The following TAFA2 variants were observed in gnomAD, a reference collection of about 807,000 sequenced individuals.
TAFA2 encodes the protein chemokine-like protein TAFA-2.
In TAFA2, 7 loss-of-function variants were observed where a neutral mutation model predicts 18.8. The observed-to-expected ratio is 0.37, with a 90% CI of 0.21 to 0.70. The LOEUF is 0.70. TAFA2 is among the 30% of genes least tolerant of loss of function. The probability of loss-of-function intolerance (pLI) is 0.53; values close to 1 mark genes in which losing one functional copy is unlikely to be tolerated. For missense variants in TAFA2, 122 were observed against 158.1 expected, an observed-to-expected ratio of 0.77 and a Z score of 1.23; for synonymous variants, 60 against 54.2, an observed-to-expected ratio of 1.11 and a Z score of -0.47.
At chr12:61,841,272 G>A (rs1873162531) in intron 2 of TAFA2, among the ~76,000 whole-genome samples, 1 of 152,040 alleles carries the variant, frequency 6.6e-6, no homozygotes, top group African/African-American at 2.4e-5. Context: ...CAGTGAAAAT[G>A]GGACTTCTAC....
chr12:61,760,871 C>CA (rs375369002), intron 2 of TAFA2, among the ~76,000 whole-genome samples: 4,763 of 120,880 alleles, frequency 0.039, 229 homozygotes, highest in African/African-American at 0.12. Flanking sequence ...CCCAAGTCAC[C>CA]AAAAAAAAAA....
intron 1 of TAFA2, among the ~76,000 whole-genome samples, chr12:61,989,993 G>A (rs1336815222): frequency 6.6e-6 from 1 of 152,042 alleles, no homozygotes; most frequent in African/African-American, 2.4e-5. Context: ...GACATTAATT[G>A]AATATTGACC....
intron 2 of TAFA2, among the ~76,000 whole-genome samples, chr12:61,755,553 A>AT (rs1346903769): frequency 6.6e-6 from 1 of 152,072 alleles, no homozygotes; most frequent in African/African-American, 2.4e-5. Context: ...AAATGAACAA[A>AT]TCCAGTGATT....
chr12:62,199,232 G>A (rs1375362301), intron 1 of TAFA2, among the ~76,000 whole-genome samples: 6 of 152,134 alleles, frequency 3.9e-5, no homozygotes, highest in Non-Finnish European at 7.4e-5. Flanking sequence ...CTGGATACAT[G>A]TGCAAGACGT....
chr12:62,135,215 C>T (rs566452951), intron 1 of TAFA2, among the ~76,000 whole-genome samples: 2 of 152,116 alleles, frequency 1.3e-5, no homozygotes, highest in African/African-American at 4.8e-5. Context: ...TTTGATAAGA[C>T]TGGTACCTAA....
chr12:62,125,672 TA>T (rs562391249), intron 1 of TAFA2, among the ~76,000 whole-genome samples: 35 of 148,310 alleles, frequency 2.4e-4, no homozygotes, highest in Non-Finnish European at 5.0e-4. Flanking sequence ...CTCCCGCAGA[TA>T]TTTTTTTTCT....
At chr12:62,211,515 G>A (rs989374462) in intron 1 of TAFA2, among the ~76,000 whole-genome samples, 6 of 151,316 alleles carry the variant, frequency 4.0e-5, no homozygotes, top group African/African-American at 1.2e-4. Flanking sequence ...GGGAGGCGGA[G>A]GTTGCAGTGA....
At chr12:62,130,379 TTAAAG>T (rs1158322346) in intron 1 of TAFA2, among the ~76,000 whole-genome samples, 4 of 151,920 alleles carry the variant, frequency 2.6e-5, no homozygotes, top group African/African-American at 7.2e-5. Context: ...TTGTTCAAAA[TTAAAG>T]TAATGAAATT....
chr12:62,058,553 G>A (rs1284566174), intron 1 of TAFA2, among the ~76,000 whole-genome samples: 1 of 152,198 alleles, frequency 6.6e-6, no homozygotes, highest in Non-Finnish European at 1.5e-5. Flanking sequence ...CAGTAAATAA[G>A]TACAGCTATA....
intron 2 of TAFA2, among the ~76,000 whole-genome samples, chr12:61,853,314 C>T (rs1297017918): frequency 6.6e-6 from 1 of 151,608 alleles, no homozygotes; most frequent in South Asian, 2.1e-4. Context: ...TAGGGATGAG[C>T]TACAATAGAG....
At chr12:61,928,180 A>G (rs1877389868) in intron 1 of TAFA2, among the ~76,000 whole-genome samples, 1 of 152,218 alleles carries the variant, frequency 6.6e-6, no homozygotes, top group Admixed American at 6.5e-5. Flanking sequence ...TAAACTAAAG[A>G]GCTTCTGCAC....
intron 1 of TAFA2, among the ~76,000 whole-genome samples, chr12:62,222,515 A>G (rs897665346): frequency 6.6e-5 from 10 of 151,660 alleles, no homozygotes; most frequent in African/African-American, 2.4e-4. Flanking sequence ...TATTATTATT[A>G]TTATTATTTT....
chr12:61,811,381 T>C (rs1279311762), intron 2 of TAFA2, among the ~76,000 whole-genome samples: 1 of 151,404 alleles, frequency 6.6e-6, no homozygotes, highest in Non-Finnish European at 1.5e-5. Flanking sequence ...GGAAGATTAT[T>C]GTGTGATTAG....
chr12:62,163,273 A>G (rs570709597), intron 1 of TAFA2, among the ~76,000 whole-genome samples: 8 of 152,302 alleles, frequency 5.3e-5, no homozygotes, highest in African/African-American at 1.9e-4. Context: ...TGCAAAAATG[A>G]GCCTCAGTTC....
At chr12:62,144,226 T>G (rs558039175) in intron 1 of TAFA2, among the ~76,000 whole-genome samples, 5 of 152,230 alleles carry the variant, frequency 3.3e-5, no homozygotes, top group Admixed American at 2.0e-4. Context: ...GTACAGAGAA[T>G]GAGATGTTAG....
At chr12:62,002,235 A>G (rs1204663688) in intron 1 of TAFA2, among the ~76,000 whole-genome samples, 2 of 152,190 alleles carry the variant, frequency 1.3e-5, no homozygotes, top group African/African-American at 2.4e-5. Flanking sequence ...AGATTTATTT[A>G]TTTGGAATAA....
intron 1 of TAFA2, among the ~76,000 whole-genome samples, chr12:61,899,036 A>G (rs529845163): frequency 6.6e-6 from 1 of 152,316 alleles, no homozygotes; most frequent in East Asian, 1.9e-4. Context: ...TTGCTAAAGC[A>G]TAGCAAGAGT....
chr12:61,783,245 A>G (rs1253103773), intron 2 of TAFA2, among the ~76,000 whole-genome samples: 1 of 151,718 alleles, frequency 6.6e-6, no homozygotes, highest in African/African-American at 2.4e-5. Flanking sequence ...GGAATATTGC[A>G]AGGAATATAA....
At chr12:61,987,202 G>T (rs1442059950) in intron 1 of TAFA2, among the ~76,000 whole-genome samples, 5 of 152,198 alleles carry the variant, frequency 3.3e-5, no homozygotes, top group African/African-American at 1.2e-4. Context: ...TGTTAGTGCA[G>T]CAGGCTCCAC....
Sources: allele counts gnomAD v4.1 joint callset (sites outside exome capture counted in the v4.1 genomes callset), GRCh38; gene constraint gnomAD v4.1.1; transcripts MANE v1.5; gene names NCBI Gene and HGNC (gene_info 2026-07-23, HGNC 2026-07-21).